The following ARHGAP29 variants were observed in gnomAD, a reference collection of about 807,000 sequenced individuals.
The protein encoded by ARHGAP29 is Rho GTPase activating protein 29, also known as rho GTPase-activating protein 29.
In ARHGAP29, 43 loss-of-function variants were observed where a neutral mutation model predicts 122.6. The observed-to-expected ratio is 0.35, with a 90% confidence interval of 0.27 to 0.45. The LOEUF is 0.45. Ranked by LOEUF, ARHGAP29 falls within the 20% of genes least tolerant of loss-of-function variation. ARHGAP29 has a pLI of 1.00. For synonymous variants in ARHGAP29, 506 were observed against 497.1 expected (o/e 1.02, Z -0.24); for missense variants, 1,303 against 1,477.2 (o/e 0.88, Z 1.93).
intron 2 of ARHGAP29, among the ~76,000 whole-genome samples, chr1:94,224,044 G>A (rs1026094805): frequency 1.4e-4 from 22 of 151,976 alleles, no homozygotes; most frequent in African/African-American, 5.1e-4. Flanking sequence ...CCTGACCTCA[G>A]GTGATCCACC....
chr1:94,188,798 T>G, intron 15 of ARHGAP29, 39 bp downstream of exon 15: 1 of 1,509,536 alleles, frequency 6.6e-7, no homozygotes, highest in African/African-American at 1.4e-5. Context: ...GACTGATCTT[T>G]CAATGAGTTT....
the ARHGAP29 span, among the ~76,000 whole-genome samples, chr1:94,312,784 A>G: frequency 6.6e-4 from 101 of 152,096 alleles, no homozygotes; most frequent in African/African-American, 2.3e-3. Flanking sequence ...TTTCTGAGTC[A>G]TCCTTCCCTA....
chr1:94,208,239 T>C (rs936037371), intron 5 of ARHGAP29, among the ~76,000 whole-genome samples: 6 of 152,204 alleles, frequency 3.9e-5, no homozygotes, highest in East Asian at 1.9e-4. Flanking sequence ...GTGCTGGGAC[T>C]ATAGGCATGA....
intron 2 of ARHGAP29, 37 bp from the exon 3 acceptor site, chr1:94,220,429 A>T: frequency 1.3e-6 from 2 of 1,508,600 alleles, no homozygotes; most frequent in Non-Finnish European, 1.8e-6. Context: ...TTTCCAGAGC[A>T]AAGTTCCACA....
intron 12 of ARHGAP29, among the ~76,000 whole-genome samples, chr1:94,198,391 A>G (rs539986260): frequency 1.3e-5 from 2 of 152,210 alleles, no homozygotes; most frequent in East Asian, 3.9e-4. Flanking sequence ...GGATTGCTTG[A>G]GCCCAGGAGG....
At chr1:94,305,489 A>G in the ARHGAP29 span, among the ~76,000 whole-genome samples, 19 of 152,366 alleles carry the variant, frequency 1.2e-4, no homozygotes, top group African/African-American at 4.6e-4. Context: ...AACTTGAAGG[A>G]ATTCAGACCA....
intron 2 of ARHGAP29, among the ~76,000 whole-genome samples, chr1:94,226,749 A>G (rs1652636054): frequency 6.6e-6 from 1 of 151,876 alleles, no homozygotes; most frequent in Non-Finnish European, 1.5e-5. Context: ...TTCGTTTCTC[A>G]AAGATTCATT....
chr1:94,199,201 T>G (rs1402993861), intron 12 of ARHGAP29, among the ~76,000 whole-genome samples: 3 of 152,090 alleles, frequency 2.0e-5, no homozygotes, highest in Non-Finnish European at 4.4e-5. Context: ...GTAACAAACC[T>G]GCACGTTGTG....
intron 19 of ARHGAP29, among the ~76,000 whole-genome samples, chr1:94,183,905 G>GT (rs1239226422): frequency 6.6e-6 from 1 of 152,090 alleles, no homozygotes; most frequent in African/African-American, 2.4e-5. Context: ...GAACATGGGG[G>GT]TTTTTTATAA....
rs1650050718 is a variant in ARHGAP29, at chr1:94,190,145, C to T, written c.1282-62G>A. ...ATATACAGAATGCTATATAAACATA[C>T]ATTTATTTCAATGACTGCACCAATA... is the stretch of plus-strand genomic sequence containing the variant. On this transcript the variant is annotated intron_variant, in intron 12 of 22. Transcript: ENST00000260526. 24 of 1,531,116 alleles carry T rather than the reference C, an allele frequency of 1.6e-5. 1 individual carries two copies. Among genetic ancestry groups the T allele is most frequent in the Middle Eastern group, 3.4e-4 (2 of 5,826 alleles). 94.8% of individuals were successfully genotyped at this position (1,531,116 alleles called of 1,614,324 possible). A position where few individuals can be genotyped will look rare whatever the true frequency, so the allele number is the denominator to read the frequency against.
rs756019170 is a variant in ARHGAP29, at chr1:94,188,950, A to C, written c.1577-9T>G. The stretch of plus-strand genomic sequence containing the variant: ...TCTTATAAAGGAAGGACCTTTAATA[A>C]AAAGAATAAAGTCAAAACTTGGCTA... On this transcript the variant is annotated splice_polypyrimidine_tract_variant and intron_variant, in intron 14 of 22. Transcript: ENST00000260526. 13 of 1,609,758 alleles carry C rather than the reference A, an allele frequency of 8.1e-6. No individual in the cohort carries two copies. Among genetic ancestry groups the C allele is most frequent in the Non-Finnish European group, 1.0e-5 (12 of 1,177,286 alleles).
At chr1:94,179,596 A>AAC (rs1207310447) in intron 20 of ARHGAP29, 129 bp downstream of exon 20, 1 of 284,656 alleles carries the variant, frequency 3.5e-6, no homozygotes, top group African/African-American at 2.2e-5. Context: ...CTGTCTCAAA[A>AAC]AAAAAAAAAA....
chr1:94,204,666 G>A (rs1053613300), intron 7 of ARHGAP29, among the ~76,000 whole-genome samples: 6 of 152,110 alleles, frequency 3.9e-5, no homozygotes, highest in Non-Finnish European at 7.4e-5. Flanking sequence ...TAATGACTAC[G>A]AAAACATTTT....
chr1:94,313,258 T>C, the ARHGAP29 span, among the ~76,000 whole-genome samples: 1 of 152,212 alleles, frequency 6.6e-6, no homozygotes, highest in African/African-American at 2.4e-5. Flanking sequence ...TCCATCCACA[T>C]GGCTTGCTTC....
At chr1:94,204,917 A>G (rs1449966769) in intron 7 of ARHGAP29, 144 bp downstream of exon 7, 2 of 781,886 alleles carry the variant, frequency 2.6e-6, no homozygotes, top group African/African-American at 1.8e-5. Context: ...CTAGTGTAAG[A>G]AGAGTCTTTT....
intron 1 of ARHGAP29, among the ~76,000 whole-genome samples, chr1:94,273,197 A>G (rs1655057227): frequency 6.6e-6 from 1 of 152,182 alleles, no homozygotes; most frequent in Admixed American, 6.6e-5. Context: ...GGAAATCCTG[A>G]ATACTAAAGG....
intron 3 of ARHGAP29, among the ~76,000 whole-genome samples, chr1:94,217,821 C>G (rs1234478564): frequency 2.7e-5 from 4 of 150,234 alleles, no homozygotes; most frequent in Non-Finnish European, 4.4e-5. Flanking sequence ...TGCACTGCAG[C>G]CTGGGCAACA....
intron 11 of ARHGAP29, 88 bp downstream of exon 11, chr1:94,202,456 A>AT: frequency 6.7e-7 from 1 of 1,489,898 alleles, no homozygotes; most frequent in Non-Finnish European, 9.2e-7. Context: ...CTTTCCAGGC[A>AT]GTCTTGGCAG....
At position 94,173,674 on chromosome 1, in the gene ARHGAP29, G is replaced by C; in HGVS notation, c.*195C>G. 1 of 562,636 alleles carries C rather than the reference G, an allele frequency of 1.8e-6. No individual in the cohort carries two copies. Among genetic ancestry groups the C allele is most frequent in the Non-Finnish European group, 3.0e-6 (1 of 334,984 alleles). The allele number at this position is 562,636 out of a possible 1,614,324, so 34.9% of individuals were successfully genotyped here. A position where few individuals can be genotyped will look rare whatever the true frequency, so the allele number is the denominator to read the frequency against. ...CAGAATTTAAAGATAATTCCAGTGA[G>C]GCACAAATGTGACCCTATCAAAACA... On this transcript the variant is annotated 3_prime_UTR_variant, in exon 23 of 23. Transcript: ENST00000260526.
Sources: allele counts gnomAD v4.1 joint callset (sites outside exome capture counted in the v4.1 genomes callset), GRCh38; gene constraint gnomAD v4.1.1; transcripts MANE v1.5; gene names NCBI Gene and HGNC (gene_info 2026-07-23, HGNC 2026-07-21).